PRR5: variants seen among roughly 807,000 people sequenced by gnomAD.
PRR5 encodes proline rich 5.
In PRR5, 25 loss-of-function variants were observed where a neutral mutation model predicts 30.6. The ratio of observed to expected loss-of-function variants is 0.82; its 90% CI spans 0.60 to 1.14. PRR5 has a LOEUF of 1.14. PRR5 is among the 50% of genes most tolerant of loss of function. The pLI, the probability that PRR5 is intolerant of heterozygous loss-of-function variation, is 0.00. For synonymous variants in PRR5, 286 were observed against 247.1 expected (o/e 1.16, Z -1.48); for missense variants, 600 against 547.1 (o/e 1.10, Z -0.96).
At chr22:44,709,035 C>T (rs915533060) in intron 1 of PRR5, among the ~76,000 whole-genome samples, 6 of 149,054 alleles carry the variant, frequency 4.0e-5, no homozygotes, top group Non-Finnish European at 8.9e-5. Flanking sequence ...TGATTTGGGA[C>T]GGAAGCTGGG....
At chr22:44,688,419 T>C (rs1292986044) in intron 1 of PRR5, among the ~76,000 whole-genome samples, 1 of 152,180 alleles carries the variant, frequency 6.6e-6, no homozygotes, top group African/African-American at 2.4e-5. Context: ...GTTACTATTA[T>C]ACTAGTTAGA....
At chr22:44,710,903 G>A (rs1321336115) in intron 1 of PRR5, among the ~76,000 whole-genome samples, 1 of 152,118 alleles carries the variant, frequency 6.6e-6, no homozygotes. Flanking sequence ...GGCAGGGCAG[G>A]GCGTGCTGAC....
intron 6 of PRR5, 103 bp downstream of exon 6, chr22:44,732,494 C>CT: frequency 6.8e-7 from 1 of 1,468,584 alleles, no homozygotes; most frequent in East Asian, 2.5e-5. Flanking sequence ...GGGCACGAGA[C>CT]TTAAGGAAGG....
Position 44,702,554 on chromosome 22 carries a change from C to T in PRR5, c.80C>T (p.Ala27Val), listed in dbSNP as rs1926495937. ...DLGKREPAAAADERGTQQRRA... is the reference protein window; with the variant it reads ...DLGKREPAAAVDERGTQQRRA... ...GGCAAGAGAGAGCCGGCCGCCGCCG[C>T]GGACGAGCGGGGCACGCAGCAGCGC... Residue 27 changes from alanine (A) to valine (V), a missense_variant, in exon 1 of 8, where the codon GCG (alanine) becomes GTG (valine). Ala to Val is a moderately conservative substitution (Grantham distance 64). Coordinates refer to ENST00000336985, the MANE Select transcript of PRR5 (RefSeq NM_181333.4). The T allele has an allele frequency of 2.8e-6, 4 of 1,442,450 alleles. No homozygotes were observed. In the South Asian group the frequency reaches 5.6e-5, roughly 20 times the overall value. The allele number at this position is 1,442,450 out of a possible 1,614,324, so 89.4% of individuals were successfully genotyped here. A position where few individuals can be genotyped will look rare whatever the true frequency, so the allele number is the denominator to read the frequency against.
intron 2 of PRR5, among the ~76,000 whole-genome samples, chr22:44,724,293 C>T (rs963991980): frequency 4.0e-5 from 6 of 151,628 alleles, no homozygotes; most frequent in African/African-American, 9.7e-5. Flanking sequence ...AAAATTAACT[C>T]GGCCTGGTGG....
At chr22:44,682,640 T>C (rs1301075640) in intron 1 of PRR5, among the ~76,000 whole-genome samples, 1 of 152,092 alleles carries the variant, frequency 6.6e-6, no homozygotes, top group African/African-American at 2.4e-5. Context: ...GCCTGGCCCA[T>C]AGGAGGTTCT....
intron 4 of PRR5, chr22:44,729,650 T>C: frequency 1.0e-5 from 10 of 985,416 alleles, no homozygotes; most frequent in Non-Finnish European, 1.2e-5. Context: ...CGACTAACCC[T>C]ACTGCCCCAC....
At chr22:44,713,807 T>G (rs894896044) in intron 1 of PRR5, among the ~76,000 whole-genome samples, 4 of 152,210 alleles carry the variant, frequency 2.6e-5, no homozygotes, top group Non-Finnish European at 5.9e-5. Context: ...TTGTTTCGTT[T>G]TCTTTTGTTT....
chr22:44,730,202 G>C, intron 4 of PRR5: 1 of 985,426 alleles, frequency 1.0e-6, no homozygotes, highest in Non-Finnish European at 1.2e-6. Context: ...AAAGGCAAAG[G>C]TCCCTGTTCA....
rs1569110414 is a variant in PRR5, at chr22:44,732,335, G to T, written c.499G>T (p.Ala167Ser). Reference protein sequence around the residue: ...TLSVKLEDALARAHARVPPAI... With the variant: ...TLSVKLEDALSRAHARVPPAI... Reference sequence around the variant, plus strand: ...CAGTGTGAAGCTAGAGGATGCGCTGGCCCGGGCCCATGCCCGTGTGCCCCC... The same window carrying T: ...CAGTGTGAAGCTAGAGGATGCGCTGTCCCGGGCCCATGCCCGTGTGCCCCC... Residue 167 changes from alanine (A) to serine (S), a missense_variant, in exon 6 of 8, where the codon GCC becomes TCC. Transcript: ENST00000336985. The T allele has an allele frequency of 6.2e-7, 1 of 1,612,170 alleles. No homozygotes were observed. Among genetic ancestry groups the T allele is most frequent in the East Asian group, 2.2e-5 (1 of 44,874 alleles).
intron 1 of PRR5, among the ~76,000 whole-genome samples, chr22:44,711,140 T>C (rs5764967): frequency 0.44 from 67,368 of 152,050 alleles, 15,589 homozygotes; most frequent in East Asian, 0.62. Flanking sequence ...GGGCGTGCCA[T>C]GGCGTTCGCG....
At chr22:44,723,088 C>G (rs1930188171) in intron 2 of PRR5, among the ~76,000 whole-genome samples, 1 of 151,666 alleles carries the variant, frequency 6.6e-6, no homozygotes, top group South Asian at 2.1e-4. Context: ...CGAGTTCAAG[C>G]AATTCTTCTG....
chr22:44,732,832 TACTACAC>T (rs1207241020), intron 6 of PRR5, among the ~76,000 whole-genome samples: 5 of 31,964 alleles, frequency 1.6e-4, no homozygotes, highest in South Asian at 1.5e-3. Flanking sequence ...TGCACGCACA[TACTACAC>T]ACGTGCACAC....
Position 44,709,534 on chromosome 22 carries a change from G to A in PRR5, c.135-5057G>A, listed in dbSNP as rs371754553. Among the ~76,000 whole-genome samples, 303 of 152,200 alleles carry A rather than the reference G, an allele frequency of 2.0e-3. 1 individual carries two copies. Among genetic ancestry groups the A allele is most frequent in the South Asian group, 7.7e-3 (37 of 4,810 alleles). ...CCAGAAGGAACGGCCCCACCAACAC[G>A]TTGATTTTAGTCCAGGGAAACTGAT... On this transcript the variant is annotated intron_variant, in intron 1 of 7. Coordinates refer to ENST00000336985, the MANE Select transcript of PRR5 (RefSeq NM_181333.4).
Position 44,693,022 on chromosome 22 carries a change from G to T in PRR5, c.-10-9470G>T, listed in dbSNP as rs184979988. 1.3e-3 allele frequency among the ~76,000 whole-genome samples: 196 copies of T among 152,236 alleles called. 2 individuals are homozygous for T. Among genetic ancestry groups the T allele is most frequent in the African/African-American group, 4.5e-3 (187 of 41,538 alleles). On this transcript the variant is annotated intron_variant, in intron 1 of 8. Transcript: ENST00000006251. ...TGTCTCCAGTGTGCTGAGTGTCAGG[G>T]TGGGACCTTTCCCCATCTGGACATG...
Position 44,737,072 on chromosome 22 carries a change from A to C in PRR5, c.992A>C (p.Gln331Pro), listed in dbSNP as rs370409725. 1 of 1,610,504 alleles carries C rather than the reference A, an allele frequency of 6.2e-7. No homozygotes were observed. Among genetic ancestry groups the C allele is most frequent in the African/African-American group, 1.3e-5 (1 of 74,908 alleles). Residue 331 changes from glutamine (Q) to proline (P), a missense_variant, in exon 8 of 8, where the codon CAG becomes CCG. Physicochemically the swap from Gln to Pro is moderately conservative, Grantham distance 76 (BLOSUM62 -1). Coordinates refer to ENST00000336985, the MANE Select transcript of PRR5 (RefSeq NM_181333.4). ...RLYPTTQPPEQGLDPTRSSLP... is the reference protein window; with the variant it reads ...RLYPTTQPPEPGLDPTRSSLP... ...TACCCCACGACCCAGCCCCCTGAGCAGGGCTTGGATCCCACCCGCAGCTCC... is the reference window on the plus strand; with the variant it reads ...TACCCCACGACCCAGCCCCCTGAGCCGGGCTTGGATCCCACCCGCAGCTCC...
chr22:44,699,651 T>TA (rs1205181230), upstream of PRR5, among the ~76,000 whole-genome samples: 1 of 152,164 alleles, frequency 6.6e-6, no homozygotes, highest in East Asian at 1.9e-4. Flanking sequence ...TTGTTACGGT[T>TA]CTTGCCCTCC....
chr22:44,702,175 C>T (rs1246650639), upstream of PRR5: 1 of 872,508 alleles, frequency 1.1e-6, no homozygotes, highest in East Asian at 8.0e-5. Flanking sequence ...CCGAGACCCG[C>T]CCCTGGGCCC....
Position 44,737,353 on chromosome 22 carries a change from G to A in PRR5, c.*106G>A. 1 of 1,455,422 alleles carries A rather than the reference G, an allele frequency of 6.9e-7. No homozygotes were observed. Among genetic ancestry groups the A allele is most frequent in the South Asian group, 1.4e-5 (1 of 70,774 alleles). The allele number at this position is 1,455,422 out of a possible 1,614,324, so 90.2% of individuals were successfully genotyped here. On this transcript the variant is annotated 3_prime_UTR_variant, in exon 8 of 8. Transcript: ENST00000336985. ...TTTTTTACTGCGTCCCGTCCCGCCA[G>A]CCCTATCGGCCTCGTCACTGGCCTT...
Sources: gnomAD v4.1 joint callset for allele counts (sites outside exome capture counted in the v4.1 genomes callset) on GRCh38, gnomAD v4.1.1 for gene constraint, MANE v1.5 for transcripts, NCBI Gene and HGNC (gene_info 2026-07-23, HGNC 2026-07-21) for gene names.